Variants in DNER observed in about 807,000 individuals in gnomAD.
DNER encodes the protein delta/notch like EGF repeat containing.
Under a neutral mutation model 78.2 loss-of-function variants are expected in DNER, and 33 were observed. The ratio of observed to expected loss-of-function variants is 0.42; its 90% CI spans 0.32 to 0.56. DNER has a LOEUF of 0.56. Ranked by LOEUF, DNER falls within the 20% of genes least tolerant of loss-of-function variation. The probability of loss-of-function intolerance (pLI) is 0.11; values close to 1 mark genes in which losing one functional copy is unlikely to be tolerated. For missense variants in DNER, 918 were observed against 975.3 expected, an observed-to-expected ratio of 0.94 and a Z score of 0.78; for synonymous variants, 417 against 384.8, an observed-to-expected ratio of 1.08 and a Z score of -0.98.
At position 229,407,213 on chromosome 2, in the gene DNER, A is replaced by G. The variant is rs201821531; in HGVS notation, c.1723+19T>C. On this transcript the variant is annotated intron_variant, in intron 10 of 12. Coordinates refer to ENST00000341772, the MANE Select transcript of DNER (RefSeq NM_139072.4). Reference sequence around the variant, plus strand: ...CACTTTGTGGTAAATTTGAAAACTCAGTCCCTGGAATCACTTGCCTGTAAA... The same window carrying G: ...CACTTTGTGGTAAATTTGAAAACTCGGTCCCTGGAATCACTTGCCTGTAAA... The G allele has an allele frequency of 5.0e-6, 8 of 1,588,450 alleles. No homozygotes were observed. In the East Asian group the frequency reaches 1.8e-4, roughly 36 times the overall value.
chr2:229,521,415 T>A (rs932862018), intron 5 of DNER, among the ~76,000 whole-genome samples: 3 of 152,194 alleles, frequency 2.0e-5, no homozygotes. Context: ...AGAAACCTTG[T>A]CCTGCTAACC....
chr2:229,594,316 C>T (rs1297302218), intron 1 of DNER, among the ~76,000 whole-genome samples: 1 of 152,182 alleles, frequency 6.6e-6, no homozygotes, highest in African/African-American at 2.4e-5. Context: ...GGGCCGGGCG[C>T]GGTGGCTCAC....
At chr2:229,537,948 T>C (rs1696441769) in intron 5 of DNER, among the ~76,000 whole-genome samples, 1 of 152,204 alleles carries the variant, frequency 6.6e-6, no homozygotes, top group Admixed American at 6.5e-5. Context: ...GATACAATCA[T>C]CCTTCTGTTC....
At chr2:229,546,144 T>C (rs1228219169) in intron 5 of DNER, among the ~76,000 whole-genome samples, 1 of 152,238 alleles carries the variant, frequency 6.6e-6, no homozygotes, top group African/African-American at 2.4e-5. Context: ...CATACTGGCA[T>C]ATAATTGAAG....
intron 3 of DNER, among the ~76,000 whole-genome samples, chr2:229,587,920 C>T (rs1017744584): frequency 2.0e-5 from 3 of 151,914 alleles, no homozygotes; most frequent in African/African-American, 7.3e-5. Context: ...AAAACACTCT[C>T]TTTGTACGCT....
intron 6 of DNER, among the ~76,000 whole-genome samples, chr2:229,504,209 T>A (rs899403387): frequency 2.0e-5 from 3 of 152,116 alleles, no homozygotes; most frequent in Non-Finnish European, 4.4e-5. Flanking sequence ...ATATCCTTTA[T>A]TTACTTATTT....
intron 2 of DNER, among the ~76,000 whole-genome samples, chr2:229,589,091 G>A (rs563436311): frequency 6.6e-6 from 1 of 152,146 alleles, no homozygotes; most frequent in African/African-American, 2.4e-5. Context: ...TTAAAAAGGA[G>A]ATCAATTGGT....
chr2:229,693,941 C>T (rs1383819565), intron 1 of DNER, among the ~76,000 whole-genome samples: 3 of 152,232 alleles, frequency 2.0e-5, no homozygotes, highest in Non-Finnish European at 4.4e-5. Context: ...CAGAGACCTT[C>T]ACAGCAGCCC....
Position 229,357,666 on chromosome 2 carries a change from A to G in DNER, c.*874T>C, listed in dbSNP as rs1333383090. The G allele has an allele frequency of 4.6e-5, 7 of 152,236 alleles. No individual in the cohort carries two copies. Among genetic ancestry groups the G allele is most frequent in the Admixed American group, 4.6e-4 (7 of 15,282 alleles). The allele number at this position is 152,236 out of a possible 1,614,324, so 9.4% of individuals were successfully genotyped here. On this transcript the variant is annotated 3_prime_UTR_variant, in exon 13 of 13. Coordinates refer to ENST00000341772, the MANE Select transcript of DNER (RefSeq NM_139072.4). ...TCACATTTATTCAATATGGTTGGAAATTAGCAAGAATCAGAAGAAGCACAT... is the reference window on the plus strand; with the variant it reads ...TCACATTTATTCAATATGGTTGGAAGTTAGCAAGAATCAGAAGAAGCACAT...
intron 1 of DNER, among the ~76,000 whole-genome samples, chr2:229,694,093 G>A (rs557706061): frequency 6.6e-6 from 1 of 152,366 alleles, no homozygotes; most frequent in African/African-American, 2.4e-5. Flanking sequence ...AGGGGCAAAT[G>A]TACAGCCCAG....
chr2:229,524,517 C>G (rs1196853982), intron 5 of DNER, among the ~76,000 whole-genome samples: 1 of 152,128 alleles, frequency 6.6e-6, no homozygotes, highest in Non-Finnish European at 1.5e-5. Context: ...GTTGACTGGT[C>G]CTCCTTCCCA....
chr2:229,512,918 A>C lies in DNER; in HGVS notation c.1012T>G (p.Cys338Gly). Reference protein sequence around the residue: ...KPSEATFSCTCEEQYVGTFCE... With the variant: ...KPSEATFSCTGEEQYVGTFCE... ...AAAGTACCCACGTACTGCTCCTCAC[A>C]GGTACAGGAAAAAGTTGCCTAAAAC... Residue 338 changes from cysteine to glycine, a missense_variant, in exon 6 of 13, where the codon TGT (cysteine) becomes GGT (glycine). Coordinates refer to ENST00000341772, the MANE Select transcript of DNER (RefSeq NM_139072.4). 6.2e-7 allele frequency: 1 copy of C among 1,614,034 alleles called. No homozygotes were observed. The highest frequency in any genetic ancestry group is 8.5e-7 in the Non-Finnish European group (1 of 1,179,964).
chr2:229,656,838 CT>C (rs1195551656), intron 1 of DNER, among the ~76,000 whole-genome samples: 2 of 152,044 alleles, frequency 1.3e-5, no homozygotes, highest in African/African-American at 4.8e-5. Context: ...TGATTTTTCT[CT>C]TTTTTTCTGG....
chr2:229,469,413 T>C (rs1344999495), intron 7 of DNER, among the ~76,000 whole-genome samples: 3 of 152,220 alleles, frequency 2.0e-5, no homozygotes, highest in Admixed American at 6.5e-5. Context: ...ATTAATTACT[T>C]ATTCTCTGCG....
chr2:229,666,260 C>A (rs1331928124), intron 1 of DNER, among the ~76,000 whole-genome samples: 1 of 152,176 alleles, frequency 6.6e-6, no homozygotes, highest in African/African-American at 2.4e-5. Flanking sequence ...CGGGTGGTCA[C>A]CATCACACGA....
intron 6 of DNER, among the ~76,000 whole-genome samples, chr2:229,495,279 T>G (rs1297068084): frequency 6.6e-6 from 1 of 152,204 alleles, no homozygotes; most frequent in Non-Finnish European, 1.5e-5. Flanking sequence ...TTTTGCCACT[T>G]TATAACAGAA....
At chr2:229,497,745 C>A (rs1417395529) in intron 6 of DNER, among the ~76,000 whole-genome samples, 1 of 151,914 alleles carries the variant, frequency 6.6e-6, no homozygotes, top group Non-Finnish European at 1.5e-5. Flanking sequence ...AACATACAAT[C>A]TATCAAGACT....
At chr2:229,711,569 T>C (rs1277335399) in intron 1 of DNER, among the ~76,000 whole-genome samples, 2 of 152,258 alleles carry the variant, frequency 1.3e-5, no homozygotes, top group East Asian at 3.8e-4. Context: ...ACAGCCATTT[T>C]AATCCTAATT....
At position 229,477,205 on chromosome 2, in the gene DNER, T is replaced by C. The variant is rs763372650; in HGVS notation, c.1196A>G (p.Asp399Gly). The change falls in exon 7 of 13, where the codon GAC (aspartate) becomes GGC (glycine). Residue 399 changes from aspartate (D) to glycine (G), a missense_variant. Physicochemically the swap from Asp to Gly is moderately conservative, Grantham distance 94. Transcript: ENST00000341772. ...CQSKIDYCIL[D>G]PCRNGATCIS... is the part of the protein sequence containing the mutation. Reference sequence around the variant, plus strand: ...GCATGTTGCTCCATTTCTGCATGGGTCTAGGATGCAGTAATCAATCTTGGA... The same window carrying C: ...GCATGTTGCTCCATTTCTGCATGGGCCTAGGATGCAGTAATCAATCTTGGA... The C allele has an allele frequency of 6.2e-7, 1 of 1,613,976 alleles. No individual in the cohort carries two copies. Among genetic ancestry groups the C allele is most frequent in the Non-Finnish European group, 8.5e-7 (1 of 1,179,928 alleles).
Sources: allele counts gnomAD v4.1 joint callset (sites outside exome capture counted in the v4.1 genomes callset), GRCh38; gene constraint gnomAD v4.1.1; transcripts MANE v1.5; gene names NCBI Gene and HGNC (gene_info 2026-07-23, HGNC 2026-07-21).